SRPRA: variants seen among roughly 807,000 people sequenced by gnomAD.
The protein encoded by SRPRA is signal recognition particle receptor subunit alpha.
SRPRA carries 30 observed loss-of-function variants against 61.1 expected under a neutral mutation model. That is an observed-to-expected ratio of 0.49 (90% confidence interval 0.37 to 0.67). The LOEUF (loss-of-function observed/expected upper bound fraction) is 0.67, where lower values mean the gene tolerates loss of function less well. Ranked by LOEUF, SRPRA falls within the 30% of genes least tolerant of loss-of-function variation. The probability of loss-of-function intolerance (pLI) is 0.00; values close to 1 mark genes in which losing one functional copy is unlikely to be tolerated. For synonymous variants in SRPRA, 324 were observed against 299.7 expected, an observed-to-expected ratio of 1.08 and a Z score of -0.84; for missense variants, 759 against 828.4, an observed-to-expected ratio of 0.92 and a Z score of 1.03.
Position 126,265,363 on chromosome 11 carries a change from G to C in SRPRA, c.1216C>G (p.Leu406Val). The C allele has an allele frequency of 6.2e-7, 1 of 1,613,482 alleles. No homozygotes were observed. Among genetic ancestry groups the C allele is most frequent in the Non-Finnish European group, 8.5e-7 (1 of 1,179,888 alleles). The change falls in exon 10 of 14, where the codon CTC becomes GTC. Residue 406 changes from leucine to valine, a missense_variant. Leu to Val is a conservative substitution (Grantham distance 32). This residue lies in a region of SRPRA where 284 missense variants were observed against 365.9 expected (regional missense o/e 0.78). Coordinates refer to ENST00000332118, the MANE Select transcript of SRPRA (RefSeq NM_003139.4). The surrounding 1 kb of genome is among the most constrained non-coding windows in gnomAD (Gnocchi z 6.3). Reference protein sequence around the residue: ...ILQPQRRVDMLRDIMDAQRRQ... With the variant: ...ILQPQRRVDMVRDIMDAQRRQ... ...CGCTGGGCATCCATGATGTCCCGGA[G>C]CATGTCTACACGACGCTGTGGCTGC...
chr11:126,245,799 C>G, the SRPRA span, among the ~76,000 whole-genome samples: 11 of 152,180 alleles, frequency 7.2e-5, no homozygotes, highest in East Asian at 2.1e-3. Context: ...AAGTTCGAGA[C>G]CAGCCTGGCC....
Position 126,264,844 on chromosome 11 carries a change from C to T in SRPRA, c.1525+115G>A. 1 of 1,030,280 alleles carries T rather than the reference C, an allele frequency of 9.7e-7. No individual in the cohort carries two copies. Among genetic ancestry groups the T allele is most frequent in the Non-Finnish European group, 1.4e-6 (1 of 723,894 alleles). 63.8% of individuals were successfully genotyped at this position (1,030,280 alleles called of 1,614,324 possible). A position where few individuals can be genotyped will look rare whatever the true frequency, so the allele number is the denominator to read the frequency against. On this transcript the variant is annotated intron_variant, in intron 11 of 13. Coordinates refer to ENST00000332118, the MANE Select transcript of SRPRA (RefSeq NM_003139.4). The surrounding 1 kb of genome is among the most constrained non-coding windows in gnomAD (Gnocchi z 5.0). Reference sequence around the variant, plus strand: ...GGCAAGTAACTGATCTGACTTTTTACTGTAATTGACCAACGAGTCTGTAGT... The same window carrying T: ...GGCAAGTAACTGATCTGACTTTTTATTGTAATTGACCAACGAGTCTGTAGT...
the SRPRA span, among the ~76,000 whole-genome samples, chr11:126,247,923 ATATC>A: frequency 6.8e-6 from 1 of 147,094 alleles, no homozygotes; most frequent in African/African-American, 2.5e-5. Context: ...ATAGATACGT[ATATC>A]TATATATATA....
chr11:126,261,199 CGTA>C (rs1473750923), downstream of SRPRA: 8 of 521,270 alleles, frequency 1.5e-5, no homozygotes, highest in Non-Finnish European at 2.4e-5. Flanking sequence ...TACAAGCAAT[CGTA>C]GTGCACTGTG....
downstream of SRPRA, chr11:126,261,307 C>T (rs1950692712): frequency 2.7e-6 from 2 of 745,566 alleles, no homozygotes; most frequent in Non-Finnish European, 4.5e-6. Context: ...TGTTTCATTT[C>T]TAAATGCCCA....
chr11:126,256,921 T>C, the SRPRA span: 1 of 1,455,918 alleles, frequency 6.9e-7, no homozygotes, highest in Non-Finnish European at 9.3e-7. The surrounding 1 kb of genome is among the most constrained non-coding windows in gnomAD (Gnocchi z 6.6). Flanking sequence ...GTATTTGTGA[T>C]GTGATGGGCA....
downstream of SRPRA, chr11:126,261,173 T>TGTAAAAC (rs1950689031): frequency 2.1e-6 from 1 of 471,746 alleles, no homozygotes; most frequent in African/African-American, 1.9e-5. Flanking sequence ...AAATGTAAAA[T>TGTAAAAC]GTAAAATGTT....
chr11:126,241,466 A>C, the SRPRA span, among the ~76,000 whole-genome samples: 1 of 152,216 alleles, frequency 6.6e-6, no homozygotes, highest in South Asian at 2.1e-4. Flanking sequence ...ATAAGTCAAA[A>C]TATTTAGAAG....
chr11:126,247,050 C>T, the SRPRA span, among the ~76,000 whole-genome samples: 2 of 152,294 alleles, frequency 1.3e-5, no homozygotes, highest in South Asian at 4.1e-4. Context: ...CCCACCTACA[C>T]AGGAGGCTGA....
At chr11:126,254,494 G>A in the SRPRA span, 1 of 1,596,764 alleles carries the variant, frequency 6.3e-7, no homozygotes, top group Non-Finnish European at 8.6e-7. Flanking sequence ...CTCTAAATAT[G>A]CCATAGATCT....
the SRPRA span, chr11:126,254,358 AG>A: frequency 1.2e-6 from 2 of 1,613,682 alleles, no homozygotes; most frequent in African/African-American, 2.7e-5. Context: ...ATATTCACGG[AG>A]TCTACACCAA....
the SRPRA span, among the ~76,000 whole-genome samples, chr11:126,244,723 G>A: frequency 8.7e-4 from 132 of 152,254 alleles, 1 homozygote; most frequent in South Asian, 7.5e-3. This position sits in a 1 kb window ranked among gnomAD's most constrained non-coding sequence, Gnocchi z 4.5. Context: ...AGAATCACTT[G>A]AACCTGGGAG....
At chr11:126,262,812 C>A (rs1950728967), downstream of SRPRA, 1 of 152,540 alleles carries the variant, frequency 6.6e-6, no homozygotes, top group South Asian at 2.1e-4. Flanking sequence ...TACCTGATTC[C>A]TCGGAGCATT....
rs764742445 is a variant in SRPRA, at chr11:126,266,756, T to C, written c.686+7A>G. On this transcript the variant is annotated splice_region_variant and intron_variant, in intron 5 of 13. Transcript: ENST00000332118. ...TATTTTGAGAGTACTGGAGAAAGAGTGCTCACTTGGACTTCTCCATACCCC... is the reference window on the plus strand; with the variant it reads ...TATTTTGAGAGTACTGGAGAAAGAGCGCTCACTTGGACTTCTCCATACCCC... 1.2e-6 allele frequency: 2 copies of C among 1,613,632 alleles called. No homozygotes were observed. The highest frequency in any genetic ancestry group is 1.7e-5 in the Admixed American group (1 of 59,960).
At chr11:126,259,370 GGAAAAA>G (rs947921492), downstream of SRPRA, among the ~76,000 whole-genome samples, 3 of 151,418 alleles carry the variant, frequency 2.0e-5, no homozygotes, top group Admixed American at 1.3e-4. Context: ...TCAAGCAGTG[GGAAAAA>G]GAAAAATAAT....
Position 126,265,834 on chromosome 11 carries a change from G to C in SRPRA, c.1052-11C>G. 6.2e-7 allele frequency: 1 copy of C among 1,614,184 alleles called. No homozygotes were observed. The highest frequency in any genetic ancestry group is 8.5e-7 in the Non-Finnish European group (1 of 1,180,034). ...CAGCCACGTTCTTAGCTGAGGAGAG[G>C]GGGACAGGTATGTCAGTTCCATGTC... On this transcript the variant is annotated splice_polypyrimidine_tract_variant and intron_variant, in intron 8 of 13. Coordinates refer to ENST00000332118, the MANE Select transcript of SRPRA (RefSeq NM_003139.4). This position sits in a 1 kb window ranked among gnomAD's most constrained non-coding sequence, Gnocchi z 6.3.
Position 126,267,695 on chromosome 11 carries a change from G to T in SRPRA, c.219C>A (p.Ile73=). ...ATTTGTCTACATATGTCAGTGTCAG[G>T]ATCTTCTGAAAACCAACCTGTTTAG... ...ELVFVVGFQK[I]LTLTYVDKLI... is the part of the protein sequence containing the mutation. Residue 73 remains isoleucine (I), a synonymous_variant, in exon 3 of 14, where the codon ATC becomes ATA. Coordinates refer to ENST00000332118, the MANE Select transcript of SRPRA (RefSeq NM_003139.4). The surrounding 1 kb of genome is among the most constrained non-coding windows in gnomAD (Gnocchi z 4.2). 6.2e-7 allele frequency: 1 copy of T among 1,614,048 alleles called. No individual in the cohort carries two copies. The highest frequency in any genetic ancestry group is 1.1e-5 in the South Asian group (1 of 91,076).
the SRPRA span, among the ~76,000 whole-genome samples, chr11:126,253,374 G>C: frequency 1.3e-5 from 2 of 152,152 alleles, no homozygotes; most frequent in South Asian, 4.1e-4. This position sits in a 1 kb window ranked among gnomAD's most constrained non-coding sequence, Gnocchi z 5.1. Flanking sequence ...TCCAAAATGT[G>C]ATAAGAATAA....
downstream of SRPRA, among the ~76,000 whole-genome samples, chr11:126,258,411 T>G (rs1366123483): frequency 2.6e-5 from 4 of 152,134 alleles, no homozygotes; most frequent in Non-Finnish European, 5.9e-5. Context: ...TACAGGTAAT[T>G]TAATAAACAT....
Sources: gnomAD v4.1 joint callset for allele counts (sites outside exome capture counted in the v4.1 genomes callset) on GRCh38, gnomAD v4.1.1 for gene constraint, gnomAD v4.1.1 regional missense constraint, Gnocchi (gnomAD v3.1) non-coding constraint, MANE v1.5 for transcripts, NCBI Gene and HGNC (gene_info 2026-07-23, HGNC 2026-07-21) for gene names.